The following PMEPA1 variants were observed in gnomAD, a reference collection of about 807,000 sequenced individuals.
The protein encoded by PMEPA1 is prostate transmembrane protein, androgen induced 1.
In PMEPA1, 11 loss-of-function variants were observed where a neutral mutation model predicts 23.0. The observed-to-expected ratio is 0.48, with a 90% confidence interval of 0.30 to 0.79. PMEPA1 has a LOEUF of 0.79. Ranked by LOEUF, PMEPA1 falls within the 30% of genes least tolerant of loss-of-function variation. The pLI, the probability that PMEPA1 is intolerant of heterozygous loss-of-function variation, is 0.06. For synonymous variants in PMEPA1, 204 were observed against 166.4 expected (o/e 1.23, Z -1.74); for missense variants, 377 against 390.9 (o/e 0.96, Z 0.30).
rs1334773350 is a variant in PMEPA1 at position 57,648,531 on chromosome 20, C to T, written c.*3522G>A. On this transcript the variant is annotated 3_prime_UTR_variant, in exon 4 of 4. Transcript: ENST00000341744. ...TGGCATCCAAATACAGAGTCTTACG[C>T]AGCGGGGACGTGGGTGCGCGCCCCG... 6.6e-6 allele frequency: 1 copy of T among 152,646 alleles called. No homozygotes were observed. Among genetic ancestry groups the T allele is most frequent in the African/African-American group, 2.4e-5 (1 of 41,450 alleles). The allele number at this position is 152,646 out of a possible 1,614,324, so 9.5% of individuals were successfully genotyped here.
At chr20:57,703,355 T>C (rs1243282583) in intron 1 of PMEPA1, among the ~76,000 whole-genome samples, 1 of 152,194 alleles carries the variant, frequency 6.6e-6, no homozygotes, top group Non-Finnish European at 1.5e-5. Flanking sequence ...CCCCAAACCA[T>C]CAGAAGCTTC....
In PMEPA1 at chr20:57,668,024, G is replaced by T. The variant is rs190993198; in HGVS notation, c.110-8327C>A. 7.6e-4 allele frequency among the ~76,000 whole-genome samples: 116 copies of T among 152,318 alleles called. 2 individuals carry two copies. Among genetic ancestry groups the T allele is most frequent in the African/African-American group, 2.6e-3 (109 of 41,580 alleles). On this transcript the variant is annotated intron_variant, in intron 1 of 3. Coordinates refer to ENST00000341744, the MANE Select transcript of PMEPA1 (RefSeq NM_020182.5). ...CTCTGTCTTCCTCTTGAGGTTTGGG[G>T]GGCGGGCGGCAAATCTAGGCCGGTT...
chr20:57,677,227 G>A (rs73302966), intron 1 of PMEPA1, among the ~76,000 whole-genome samples: 2,090 of 152,332 alleles, frequency 0.014, 44 homozygotes, highest in African/African-American at 0.048. Context: ...GGCTGTGGGA[G>A]CAGCTGTGTG....
chr20:57,657,768 A>G (rs772333314), intron 2 of PMEPA1, among the ~76,000 whole-genome samples: 1 of 152,196 alleles, frequency 6.6e-6, no homozygotes, highest in Non-Finnish European at 1.5e-5. Context: ...CAGGCTTCTC[A>G]GCTGACTTGG....
At chr20:57,699,680 G>A (rs2071985570) in intron 1 of PMEPA1, among the ~76,000 whole-genome samples, 1 of 152,232 alleles carries the variant, frequency 6.6e-6, no homozygotes, top group African/African-American at 2.4e-5. Context: ...GGGGGAAAGA[G>A]CAGTTTGCAT....
At position 57,655,283 on chromosome 20, in the gene PMEPA1, C is replaced by A. The variant is rs957574297; in HGVS notation, c.265-2197G>T. Among the ~76,000 whole-genome samples, 1 of 152,116 alleles carries A rather than the reference C, an allele frequency of 6.6e-6. No individual in the cohort carries two copies. The highest frequency in any genetic ancestry group is 2.4e-5 in the African/African-American group (1 of 41,402). On this transcript the variant is annotated intron_variant, in intron 2 of 3. Coordinates refer to ENST00000341744, the MANE Select transcript of PMEPA1 (RefSeq NM_020182.5). This position sits in a 1 kb window ranked among gnomAD's most constrained non-coding sequence, Gnocchi z 4.2. ...TCAAGCCTCTGCCCAGGTGTGCTAA[C>A]CCCAGAGCTCTCCGTTAGCCCCCCA...
intron 1 of PMEPA1, among the ~76,000 whole-genome samples, chr20:57,702,550 GC>G (rs1457046659): frequency 1.3e-5 from 2 of 152,212 alleles, no homozygotes; most frequent in African/African-American, 4.8e-5. Flanking sequence ...AGTCTTGGGA[GC>G]CTAAAATAGC....
intron 1 of PMEPA1, among the ~76,000 whole-genome samples, chr20:57,697,342 C>T (rs1002033973): frequency 2.6e-5 from 4 of 152,200 alleles, no homozygotes; most frequent in African/African-American, 9.7e-5. Context: ...CTGAGTGCAG[C>T]AAGGATGGAG....
intron 1 of PMEPA1, among the ~76,000 whole-genome samples, chr20:57,669,919 A>T (rs1025870573): frequency 6.6e-6 from 1 of 152,212 alleles, no homozygotes; most frequent in Non-Finnish European, 1.5e-5. Flanking sequence ...TATCCAAAAC[A>T]GACAGCTGCT....
intron 1 of PMEPA1, among the ~76,000 whole-genome samples, chr20:57,678,808 G>A (rs2071672919): frequency 6.6e-6 from 1 of 152,230 alleles, no homozygotes; most frequent in Non-Finnish European, 1.5e-5. Flanking sequence ...GGTGACAAGA[G>A]CCAGGGGAGG....
chr20:57,693,436 G>A (rs544000875), intron 1 of PMEPA1, among the ~76,000 whole-genome samples: 5 of 152,294 alleles, frequency 3.3e-5, no homozygotes, highest in East Asian at 3.9e-4. Flanking sequence ...CCAGACAGGC[G>A]GCAGAACTTC....
At position 57,709,798 on chromosome 20, in the gene PMEPA1, G is replaced by A. The variant is rs1411917994; in HGVS notation, c.-216C>T. The stretch of plus-strand genomic sequence containing the variant: ...CGCTGCGCCCCCCCGGCCTCCCCTC[G>A]GCAGCCCCGGGGGCGTCGGCAGTGC... On this transcript the variant is annotated 5_prime_UTR_variant, in exon 1 of 4. Transcript: ENST00000341744. 3 of 982,740 alleles carry A rather than the reference G, an allele frequency of 3.1e-6. No individual in the cohort carries two copies. In the African/African-American group the frequency reaches 5.3e-5, roughly 17 times the overall value. 60.9% of individuals were successfully genotyped at this position (982,740 alleles called of 1,614,324 possible). A position where few individuals can be genotyped will look rare whatever the true frequency, so the allele number is the denominator to read the frequency against.
intron 1 of PMEPA1, among the ~76,000 whole-genome samples, chr20:57,693,141 C>T (rs571134782): frequency 2.6e-5 from 4 of 152,318 alleles, no homozygotes; most frequent in South Asian, 2.1e-4. Context: ...GTCTGAAGCC[C>T]GCCTACCCCA....
intron 1 of PMEPA1, among the ~76,000 whole-genome samples, chr20:57,671,626 C>T (rs1008823054): frequency 1.3e-5 from 2 of 152,120 alleles, no homozygotes; most frequent in African/African-American, 4.8e-5. Context: ...CAACCAGAGA[C>T]CATCTAAATG....
chr20:57,675,172 G>A (rs896620689), intron 1 of PMEPA1, among the ~76,000 whole-genome samples: 4 of 99,534 alleles, frequency 4.0e-5, no homozygotes, highest in African/African-American at 8.9e-5. Flanking sequence ...CACCCGTCCC[G>A]CCCAGAAAAG....
intron 1 of PMEPA1, among the ~76,000 whole-genome samples, chr20:57,670,914 C>T (rs995148423): frequency 6.6e-6 from 1 of 152,162 alleles, no homozygotes; most frequent in Admixed American, 6.5e-5. Context: ...ACCGCCCCCC[C>T]AACCCCCAAC....
intron 1 of PMEPA1, among the ~76,000 whole-genome samples, chr20:57,672,489 T>G (rs2146668465): frequency 6.6e-6 from 1 of 152,324 alleles, no homozygotes; most frequent in African/African-American, 2.4e-5. Context: ...TTCTCAATAG[T>G]GCCTCATTCA....
At chr20:57,678,231 G>A (rs901093479) in intron 1 of PMEPA1, among the ~76,000 whole-genome samples, 1 of 152,252 alleles carries the variant, frequency 6.6e-6, no homozygotes, top group African/African-American at 2.4e-5. Flanking sequence ...TGTGACAAAT[G>A]TCAACTGCTG....
intron 2 of PMEPA1, among the ~76,000 whole-genome samples, chr20:57,654,905 C>A (rs982920317): frequency 6.6e-6 from 1 of 152,086 alleles, no homozygotes; most frequent in Non-Finnish European, 1.5e-5. Flanking sequence ...CCCCAGGGCC[C>A]TTCCTCCTCA....
Sources: allele counts gnomAD v4.1 joint callset (sites outside exome capture counted in the v4.1 genomes callset), GRCh38; gene constraint gnomAD v4.1.1; non-coding constraint Gnocchi (gnomAD v3.1); transcripts MANE v1.5; gene names NCBI Gene and HGNC (gene_info 2026-07-23, HGNC 2026-07-21).